Variants in LCA5L observed in about 807,000 individuals in gnomAD.
LCA5L encodes lebercilin LCA5 like.
Under a neutral mutation model 45.4 loss-of-function variants are expected in LCA5L, and 35 were observed. The observed-to-expected ratio is 0.77, with a 90% CI of 0.59 to 1.02. The LOEUF (loss-of-function observed/expected upper bound fraction) is 1.02, where lower values mean the gene tolerates loss of function less well. Among genes scored for constraint, LCA5L ranks in the 50% least tolerant of loss-of-function variants. The probability of loss-of-function intolerance (pLI) is 0.00; values close to 1 mark genes in which losing one functional copy is unlikely to be tolerated. For missense variants in LCA5L, 668 were observed against 761.6 expected (o/e 0.88, Z 1.45); for synonymous variants, 233 against 264.7 (o/e 0.88, Z 1.16).
chr21:39,430,790 C>G (rs2075630858), intron 3 of LCA5L, among the ~76,000 whole-genome samples: 1 of 152,146 alleles, frequency 6.6e-6, no homozygotes, highest in African/African-American at 2.4e-5. Flanking sequence ...CAGCTCATAC[C>G]CTGTGGTTCA....
intron 7 of LCA5L, among the ~76,000 whole-genome samples, chr21:39,419,891 A>T (rs764740045): frequency 3.9e-5 from 6 of 152,342 alleles, no homozygotes; most frequent in East Asian, 1.9e-4. Flanking sequence ...AAAATATTTT[A>T]AAAATTCTTA....
chr21:39,424,968 G>C (rs770458524), intron 5 of LCA5L, among the ~76,000 whole-genome samples: 1 of 152,210 alleles, frequency 6.6e-6, no homozygotes, highest in South Asian at 2.1e-4. Context: ...ACACAGCTAG[G>C]AAGTGGTGAG....
At chr21:39,418,970 A>G (rs902932702) in intron 7 of LCA5L, among the ~76,000 whole-genome samples, 10 of 152,152 alleles carry the variant, frequency 6.6e-5, no homozygotes, top group African/African-American at 1.9e-4. Flanking sequence ...TGCAATAGCC[A>G]TGCCTATGTT....
chr21:39,420,278 A>G (rs756151030), intron 7 of LCA5L, among the ~76,000 whole-genome samples: 5 of 152,098 alleles, frequency 3.3e-5, no homozygotes, highest in African/African-American at 4.8e-5. Context: ...TCCCAGCACT[A>G]TGGGAGACCA....
At chr21:39,414,622 T>G (rs1476684351) in intron 7 of LCA5L, among the ~76,000 whole-genome samples, 1 of 152,104 alleles carries the variant, frequency 6.6e-6, no homozygotes. Context: ...TGCCTAGGAC[T>G]GCCCTGACAA....
Position 39,406,538 on chromosome 21 carries a change from CTTT to C in LCA5L, c.1354_1356del (p.Lys452del). On this transcript the variant is annotated inframe_deletion, in exon 11 of 11. Coordinates refer to ENST00000288350, the MANE Select transcript of LCA5L (RefSeq NM_152505.4). Reference sequence around the variant, plus strand: ...AAAATGTTTTTCTTTTCTTGGTCTTCTTTTTTGTCTTTTTGTCTTCCAGTATTC... The same window carrying C: ...AAAATGTTTTTCTTTTCTTGGTCTTCTTTGTCTTTTTGTCTTCCAGTATTC... The C allele has an allele frequency of 3.1e-6, 5 of 1,611,884 alleles. No homozygotes were observed. Among genetic ancestry groups the C allele is most frequent in the Non-Finnish European group, 4.2e-6 (5 of 1,179,196 alleles).
chr21:39,409,286 G>A lies in LCA5L; in HGVS notation c.1282+693C>T, dbSNP rs2039663062. Among the ~76,000 whole-genome samples the A allele has an allele frequency of 6.6e-6, 1 of 152,086 alleles. No homozygotes were observed. The highest frequency in any genetic ancestry group is 2.4e-5 in the African/African-American group (1 of 41,398). ...GCCAAATGCCTAGAACCTTGATCTC[G>A]GACTTCCTAGCCTCCAGAACCATGA... On this transcript the variant is annotated intron_variant, in intron 10 of 10. Coordinates refer to ENST00000288350, the MANE Select transcript of LCA5L (RefSeq NM_152505.4). The surrounding 1 kb of genome is among the most constrained non-coding windows in gnomAD (Gnocchi z 4.2).
intron 7 of LCA5L, among the ~76,000 whole-genome samples, chr21:39,416,750 T>G (rs892134130): frequency 8.5e-5 from 13 of 152,304 alleles, no homozygotes; most frequent in Middle Eastern, 6.8e-3. Context: ...ACACACAACA[T>G]TCTCAAAACA....
intron 2 of LCA5L, among the ~76,000 whole-genome samples, chr21:39,442,642 G>C (rs2076986237): frequency 6.6e-6 from 1 of 152,110 alleles, no homozygotes; most frequent in Non-Finnish European, 1.5e-5. Context: ...CTGGGTGTTG[G>C]GGTGTGATAA....
intron 3 of LCA5L, among the ~76,000 whole-genome samples, chr21:39,433,928 T>G (rs949708160): frequency 2.2e-4 from 3 of 13,470 alleles, no homozygotes; most frequent in Non-Finnish European, 4.5e-4. Flanking sequence ...CACATCCAGC[T>G]TTTTTTTTTT....
At chr21:39,414,742 C>CTCTCTGTGTGTGTGTG (rs1341489035) in intron 7 of LCA5L, among the ~76,000 whole-genome samples, 4 of 99,174 alleles carry the variant, frequency 4.0e-5, no homozygotes, top group Non-Finnish European at 5.7e-5. Context: ...CTCTCTCTCT[C>CTCTCTGTGTGTGTGTG]TGTGTGTGTG....
intron 3 of LCA5L, among the ~76,000 whole-genome samples, chr21:39,430,230 A>G (rs1292295062): frequency 1.3e-5 from 2 of 152,052 alleles, no homozygotes; most frequent in South Asian, 2.1e-4. Context: ...GGCTCAAACA[A>G]TGGTTGCTAA....
At chr21:39,432,106 T>C (rs1170388851) in intron 3 of LCA5L, among the ~76,000 whole-genome samples, 5 of 152,220 alleles carry the variant, frequency 3.3e-5, no homozygotes, top group Admixed American at 6.5e-5. Context: ...ATAGAGTATA[T>C]TTAGATGCTA....
chr21:39,422,695 C>A, intron 6 of LCA5L: 1 of 497,634 alleles, frequency 2.0e-6, no homozygotes, highest in Non-Finnish European at 3.5e-6. Context: ...TGTAGCTGTG[C>A]TCTCTTAGAG....
chr21:39,420,604 G>T, intron 7 of LCA5L, 102 bp downstream of exon 7: 52 of 848,380 alleles, frequency 6.1e-5, no homozygotes, highest in East Asian at 1.8e-4. Flanking sequence ...CCTTATATAT[G>T]TATGTAAAAT....
At chr21:39,430,156 C>G (rs2075534807) in intron 3 of LCA5L, among the ~76,000 whole-genome samples, 1 of 152,172 alleles carries the variant, frequency 6.6e-6, no homozygotes, top group Admixed American at 6.5e-5. Context: ...GCTGTTCCTC[C>G]CTGCCCTCTT....
Position 39,423,464 on chromosome 21 carries a change from T to G in LCA5L, c.349A>C (p.Lys117Gln). The G allele has an allele frequency of 6.4e-7, 1 of 1,566,932 alleles. No individual in the cohort carries two copies. Among genetic ancestry groups the G allele is most frequent in the Non-Finnish European group, 8.6e-7 (1 of 1,163,864 alleles). Residue 117 changes from lysine to glutamine, a missense_variant, in exon 6 of 11, where the codon AAG becomes CAG. Coordinates refer to ENST00000288350, the MANE Select transcript of LCA5L (RefSeq NM_152505.4). ...AAGAGTGATGCATTCCAGGTGTGCT[T>G]TTTTTCAACTGATATTTCCTTCTGG... ...KGQKEISVEKKHTWNASLFNS... is the reference protein window; with the variant it reads ...KGQKEISVEKQHTWNASLFNS...
intron 1 of LCA5L, among the ~76,000 whole-genome samples, chr21:39,445,130 G>T (rs1176809960): frequency 6.6e-6 from 1 of 152,090 alleles, no homozygotes; most frequent in African/African-American, 2.4e-5. Flanking sequence ...TTAACCGTTG[G>T]CTTAAGTGTG....
Position 39,423,141 on chromosome 21 carries a change from T to TA in LCA5L, c.671dup (p.Ser225IlefsTer2). 1 of 1,613,868 alleles carries TA rather than the reference T, an allele frequency of 6.2e-7. No homozygotes were observed. The highest frequency in any genetic ancestry group is 1.1e-5 in the South Asian group (1 of 90,972). On this transcript the variant is annotated frameshift_variant, in exon 6 of 11. Coordinates refer to ENST00000288350, the MANE Select transcript of LCA5L (RefSeq NM_152505.4). LOFTEE classifies it high-confidence loss of function. ...TGTCAGTTTCTCTAAGTTTCCTAGA[T>TA]AGAGTTCTTTCCTTTTCCTGGGATT...
Sources: allele counts gnomAD v4.1 joint callset (sites outside exome capture counted in the v4.1 genomes callset), GRCh38; gene constraint gnomAD v4.1.1; non-coding constraint Gnocchi (gnomAD v3.1); transcripts MANE v1.5; gene names NCBI Gene and HGNC (gene_info 2026-07-23, HGNC 2026-07-21).